Variants in PPAT observed in about 807,000 individuals in gnomAD.
PPAT encodes amidophosphoribosyltransferase.
A neutral mutation model predicts 60.2 loss-of-function variants in PPAT; 20 were observed. That is an observed-to-expected ratio of 0.33 (90% CI 0.23 to 0.48). The LOEUF is 0.48. Among genes scored for constraint, PPAT ranks in the 20% least tolerant of loss-of-function variants. The pLI, the probability that PPAT is intolerant of heterozygous loss-of-function variation, is 0.99. For missense variants in PPAT, 349 were observed against 629.6 expected (o/e 0.55, Z 4.77); for synonymous variants, 194 against 215.1 (o/e 0.90, Z 0.86).
At chr4:56,430,389 G>T (rs972575565) in intron 1 of PPAT, among the ~76,000 whole-genome samples, 6 of 152,110 alleles carry the variant, frequency 3.9e-5, no homozygotes, top group African/African-American at 1.4e-4. Context: ...TGAGGAAACT[G>T]AGGCATAGAG....
chr4:56,401,283 T>G (rs370363236), intron 7 of PPAT, 47 bp downstream of exon 7: 2 of 1,495,824 alleles, frequency 1.3e-6, no homozygotes, highest in African/African-American at 1.4e-5. Flanking sequence ...TTCAAGGAGA[T>G]AGCTAAAACA....
At chr4:56,404,066 A>G (rs1180193960) in intron 3 of PPAT, 2 of 449,098 alleles carry the variant, frequency 4.5e-6, no homozygotes, top group Non-Finnish European at 9.0e-6. Flanking sequence ...CTCCTGCGCT[A>G]ATAGTATGTA....
intron 1 of PPAT, chr4:56,431,321 G>A: frequency 2.8e-6 from 1 of 356,448 alleles, no homozygotes; most frequent in African/African-American, 2.2e-5. Flanking sequence ...AAAACTAAAT[G>A]AAGATTAACT....
chr4:56,417,144 C>T (rs998236523), intron 1 of PPAT, among the ~76,000 whole-genome samples: 9 of 152,090 alleles, frequency 5.9e-5, no homozygotes, highest in Admixed American at 1.3e-4. Context: ...CCACTGCACC[C>T]GGCCGCTTCT....
intron 2 of PPAT, 106 bp from the exon 3 acceptor site, chr4:56,406,807 T>C: frequency 1.3e-6 from 1 of 754,860 alleles, no homozygotes; most frequent in Middle Eastern, 2.9e-4. Flanking sequence ...AAGAAGTACA[T>C]TTAATATCTC....
rs375085596 is a variant in PPAT at position 56,395,439 on chromosome 4, T to G, written c.1467A>C (p.Glu489Asp). The change falls in exon 11 of 11, where the codon GAA (glutamate) becomes GAC (aspartate). Residue 489 changes from glutamate (E) to aspartate (D), a missense_variant. Glu to Asp is a conservative substitution (Grantham distance 45, BLOSUM62 2). Around this residue, in one of 5 missense-constraint regions of PPAT, gnomAD observed 167 missense variants for 328.6 expected, o/e 0.51. Coordinates refer to ENST00000264220, the MANE Select transcript of PPAT (RefSeq NM_002703.5). The part of the protein sequence containing the change: ...KEKKHDIMIQ[E>D]NGNGLECFEK... The stretch of plus-strand genomic sequence containing the variant: ...CAAAACATTCCAGACCATTTCCATT[T>G]TCTTGGATCATAATATCGTGCTTTT... 1.4e-5 allele frequency: 22 copies of G among 1,612,182 alleles called. No homozygotes were observed. The highest frequency in any genetic ancestry group is 1.9e-5 in the Non-Finnish European group (22 of 1,178,804).
rs557038007 is a variant in PPAT, at chr4:56,432,164, C to G, written c.128+3186G>C. On this transcript the variant is annotated intron_variant, in intron 1 of 10. Transcript: ENST00000264220. ...TAAATGTTTCAGATTAGATTATACC[C>G]AAGACAAAAAACTGGACCAAATACA... 1.1e-4 allele frequency among the ~76,000 whole-genome samples: 17 copies of G among 152,184 alleles called. No homozygotes were observed. The South Asian group carries it at 3.1e-3, about 28-fold the overall frequency.
At chr4:56,419,716 T>C in intron 1 of PPAT, 1 of 981,408 alleles carries the variant, frequency 1.0e-6, no homozygotes, top group Non-Finnish European at 1.2e-6. Flanking sequence ...GTCAGGGCTC[T>C]AATAGACATC....
chr4:56,399,625 CT>C, intron 8 of PPAT: 1 of 404,704 alleles, frequency 2.5e-6, no homozygotes, highest in East Asian at 4.0e-5. Flanking sequence ...AACATTATTC[CT>C]CTGTTTTGAA....
At chr4:56,417,846 T>G (rs1490299532) in intron 1 of PPAT, among the ~76,000 whole-genome samples, 22 of 150,148 alleles carry the variant, frequency 1.5e-4, no homozygotes, top group Admixed American at 6.6e-5. Flanking sequence ...TTTTTTGTTT[T>G]TTTTTTTTTT....
chr4:56,406,938 T>C (rs1237937957), intron 2 of PPAT, among the ~76,000 whole-genome samples: 1 of 152,228 alleles, frequency 6.6e-6, no homozygotes, highest in Non-Finnish European at 1.5e-5. Flanking sequence ...AAATTAACCA[T>C]TCTAAAAAGA....
chr4:56,431,826 A>T (rs1238472634), intron 1 of PPAT, among the ~76,000 whole-genome samples: 1 of 152,184 alleles, frequency 6.6e-6, no homozygotes, highest in African/African-American at 2.4e-5. Context: ...TTTGTTCAGA[A>T]CTCCGCAAAC....
At chr4:56,407,605 A>G in intron 2 of PPAT, 45 bp downstream of exon 2, 1 of 1,476,870 alleles carries the variant, frequency 6.8e-7, no homozygotes, top group Non-Finnish European at 9.5e-7. Context: ...GGCATGAACC[A>G]CCGCACTTGG....
chr4:56,410,899 T>TAAA (rs35668849), intron 1 of PPAT: 313 of 678,468 alleles, frequency 4.6e-4, no homozygotes, highest in East Asian at 2.0e-3. Context: ...CCACTGAAGG[T>TAAA]AAAAAAAAAA....
chr4:56,435,314 G>A (rs765642098), intron 1 of PPAT, 36 bp downstream of exon 1: 1 of 1,611,206 alleles, frequency 6.2e-7, no homozygotes, highest in Non-Finnish European at 8.5e-7. Flanking sequence ...GAGAGATGGA[G>A]ACGCACGCCC....
rs781308955 is a variant in PPAT at position 56,396,594 on chromosome 4, A to C, written c.1357+25T>G. 3.8e-6 allele frequency: 6 copies of C among 1,580,020 alleles called. No homozygotes were observed. The highest frequency in any genetic ancestry group is 2.3e-4 in the Middle Eastern group (1 of 4,382). On this transcript the variant is annotated intron_variant, in intron 10 of 10. Coordinates refer to ENST00000264220, the MANE Select transcript of PPAT (RefSeq NM_002703.5). The surrounding 1 kb of genome is among the most constrained non-coding windows in gnomAD (Gnocchi z 4.6). ...TTGGATTTTCTCTGTTAATAATCAA[A>C]GTTTATAGAAATTTTAATACTTACC...
At chr4:56,405,697 T>C (rs932097173) in intron 3 of PPAT, among the ~76,000 whole-genome samples, 2 of 152,208 alleles carry the variant, frequency 1.3e-5, no homozygotes, top group African/African-American at 4.8e-5. Context: ...GGAAAGGGCA[T>C]GGAAGCTCCA....
At chr4:56,419,206 T>G (rs1286728592) in intron 1 of PPAT, among the ~76,000 whole-genome samples, 1 of 152,230 alleles carries the variant, frequency 6.6e-6, no homozygotes, top group Non-Finnish European at 1.5e-5. Flanking sequence ...TTAAATTGTT[T>G]GTACCTATCC....
intron 1 of PPAT, among the ~76,000 whole-genome samples, chr4:56,426,160 T>C (rs1717274110): frequency 1.3e-5 from 2 of 152,116 alleles, no homozygotes; most frequent in South Asian, 4.1e-4. Flanking sequence ...CCCAACACTG[T>C]GGGAGGCCAA....
Sources: allele counts gnomAD v4.1 joint callset (sites outside exome capture counted in the v4.1 genomes callset), GRCh38; gene constraint gnomAD v4.1.1; regional missense constraint gnomAD v4.1.1; non-coding constraint Gnocchi (gnomAD v3.1); transcripts MANE v1.5; gene names NCBI Gene and HGNC (gene_info 2026-07-23, HGNC 2026-07-21).